Variants in KCNAB2 observed in about 807,000 individuals in gnomAD.
KCNAB2 encodes the protein potassium voltage-gated channel subfamily A regulatory beta subunit 2.
A neutral mutation model predicts 63.6 loss-of-function variants in KCNAB2; 29 were observed. The ratio of observed to expected loss-of-function variants is 0.46; its 90% CI spans 0.34 to 0.62. KCNAB2 has a LOEUF of 0.62. Among genes scored for constraint, KCNAB2 ranks in the 20% least tolerant of loss-of-function variants. The probability of loss-of-function intolerance (pLI) is 0.01; values close to 1 mark genes in which losing one functional copy is unlikely to be tolerated. For missense variants in KCNAB2, 359 were observed against 563.9 expected (o/e 0.64, Z 3.68); for synonymous variants, 222 against 224.2 (o/e 0.99, Z 0.09).
At chr1:6,036,720 A>T (rs547427369) in intron 1 of KCNAB2, among the ~76,000 whole-genome samples, 6 of 149,840 alleles carry the variant, frequency 4.0e-5, no homozygotes, top group Non-Finnish European at 7.4e-5. Context: ...TTGAGCACAG[A>T]TCGTGTCGCT....
rs531452156 is a variant in KCNAB2, at chr1:5,994,417, T to C, written c.-53+1629T>C. Among the ~76,000 whole-genome samples, 19 of 152,348 alleles carry C rather than the reference T, an allele frequency of 1.2e-4. No individual in the cohort carries two copies. The highest frequency in any genetic ancestry group is 3.8e-4 in the African/African-American group (16 of 41,574). On this transcript the variant is annotated intron_variant, in intron 1 of 16. Transcript: ENST00000341524. The surrounding 1 kb of genome is among the most constrained non-coding windows in gnomAD (Gnocchi z 5.4). The stretch of plus-strand genomic sequence containing the variant: ...AGAGTGCACTTGGTCCTCCAGGTCC[T>C]GTCATTGTCTCCACGGCCACACTCG...
At chr1:6,057,429 A>C (rs1661932493) in intron 2 of KCNAB2, among the ~76,000 whole-genome samples, 1 of 151,990 alleles carries the variant, frequency 6.6e-6, no homozygotes, top group Non-Finnish European at 1.5e-5. Flanking sequence ...GACAGGCGGG[A>C]AGGAGGGCAC....
Position 6,098,883 on chromosome 1 carries a change from A to T in KCNAB2, c.*309A>T. 3.6e-6 allele frequency: 1 copy of T among 276,456 alleles called. No homozygotes were observed. Among genetic ancestry groups the T allele is most frequent in the South Asian group, 5.4e-5 (1 of 18,412 alleles). 17.1% of individuals were successfully genotyped at this position (276,456 alleles called of 1,614,324 possible). On this transcript the variant is annotated 3_prime_UTR_variant, in exon 16 of 16. Coordinates refer to ENST00000378083, the MANE Select transcript of KCNAB2 (RefSeq NM_001199862.2). ...CAGCTTTCTCCCAGCCACAGCCAAG[A>T]TTCCCAAAGTCAAGGCCCAAAGATT...
At chr1:6,095,676 C>T (rs371802598) in intron 13 of KCNAB2, 52 bp downstream of exon 13, 87 of 1,548,538 alleles carry the variant, frequency 5.6e-5, no homozygotes, top group East Asian at 1.8e-4. Context: ...GCATTTTGGA[C>T]GGGTGGGACC....
chr1:6,089,262 A>G (rs947030305), intron 8 of KCNAB2, among the ~76,000 whole-genome samples: 2 of 152,256 alleles, frequency 1.3e-5, no homozygotes, highest in Admixed American at 6.5e-5. Flanking sequence ...GGCTGAGCAC[A>G]GACCACAGAC....
At position 6,097,255 on chromosome 1, in the gene KCNAB2, T is replaced by C; in HGVS notation, c.1070-14T>C. On this transcript the variant is annotated splice_polypyrimidine_tract_variant and intron_variant, in intron 14 of 15. Transcript: ENST00000378083. ...GTGGGTGTTTCTCCCTCACCTTGGG[T>C]CTCGCCGCCACAGCCTGGTGCCTGA... 1 of 1,532,834 alleles carries C rather than the reference T, an allele frequency of 6.5e-7. No homozygotes were observed. The allele number at this position is 1,532,834 out of a possible 1,614,324, so 95.0% of individuals were successfully genotyped here.
chr1:6,057,599 C>G (rs1199496251), intron 2 of KCNAB2, among the ~76,000 whole-genome samples: 1 of 152,202 alleles, frequency 6.6e-6, no homozygotes, highest in Non-Finnish European at 1.5e-5. Flanking sequence ...GCTGCTGTAA[C>G]AAGCTGGGTG....
intron 2 of KCNAB2, among the ~76,000 whole-genome samples, chr1:6,067,181 A>G (rs1269434410): frequency 2.0e-5 from 3 of 152,206 alleles, no homozygotes; most frequent in Admixed American, 1.3e-4. Context: ...ACCATCCTCC[A>G]GGCATAAAGG....
chr1:6,097,523 C>A, intron 15 of KCNAB2, 166 bp downstream of exon 15: 1 of 1,200,724 alleles, frequency 8.3e-7, no homozygotes, highest in Non-Finnish European at 1.2e-6. Context: ...CCAGCAGGAA[C>A]AGACATGAAC....
In KCNAB2 at chr1:6,074,069, C is replaced by G. The variant is rs1229322136; in HGVS notation, c.300+299C>G. On this transcript the variant is annotated intron_variant, in intron 4 of 15. Coordinates refer to ENST00000378083, the MANE Select transcript of KCNAB2 (RefSeq NM_001199862.2). This position sits in a 1 kb window ranked among gnomAD's most constrained non-coding sequence, Gnocchi z 4.9. ...TTTCCCACACGCGTGACCCCCATTCCACAGTTAACGAGGAGAATTCAGGGT... is the reference window on the plus strand; with the variant it reads ...TTTCCCACACGCGTGACCCCCATTCGACAGTTAACGAGGAGAATTCAGGGT... Among the ~76,000 whole-genome samples the G allele has an allele frequency of 6.6e-6, 1 of 152,220 alleles. No individual in the cohort carries two copies. The highest frequency in any genetic ancestry group is 1.5e-5 in the Non-Finnish European group (1 of 68,040).
In KCNAB2 at chr1:6,096,915, C is replaced by G. The variant is rs1271667302; in HGVS notation, c.1069+159C>G. Among the ~76,000 whole-genome samples, 1 of 152,180 alleles carries G rather than the reference C, an allele frequency of 6.6e-6. No homozygotes were observed. The highest frequency in any genetic ancestry group is 1.5e-5 in the Non-Finnish European group (1 of 68,012). On this transcript the variant is annotated intron_variant, in intron 14 of 15. Coordinates refer to ENST00000378083, the MANE Select transcript of KCNAB2 (RefSeq NM_001199862.2). This position sits in a 1 kb window ranked among gnomAD's most constrained non-coding sequence, Gnocchi z 5.9. ...CCAGCCAGCCTCGGGTAATCGGGCT[C>G]TAAGGGGCATGGTTGGGACCCCATG...
intron 1 of KCNAB2, among the ~76,000 whole-genome samples, chr1:6,000,215 G>A (rs1190923014): frequency 6.6e-6 from 1 of 152,166 alleles, no homozygotes; most frequent in Non-Finnish European, 1.5e-5. Flanking sequence ...CCATGGAAAT[G>A]AGTAGCAGGT....
intron 1 of KCNAB2, among the ~76,000 whole-genome samples, chr1:6,015,034 T>TTG (rs1557932986): frequency 4.7e-5 from 6 of 128,452 alleles, no homozygotes; most frequent in Admixed American, 3.1e-4. Context: ...TTTTTTTTTT[T>TTG]TTTTTTTTGT....
At chr1:6,016,688 G>A (rs1050760157) in intron 1 of KCNAB2, among the ~76,000 whole-genome samples, 1 of 152,216 alleles carries the variant, frequency 6.6e-6, no homozygotes, top group Non-Finnish European at 1.5e-5. Flanking sequence ...GCAGGCAGTA[G>A]ACGGCAGCGG....
upstream of KCNAB2, among the ~76,000 whole-genome samples, chr1:6,029,338 A>G (rs1458918402): frequency 6.6e-6 from 1 of 152,026 alleles, no homozygotes; most frequent in Middle Eastern, 3.2e-3. Context: ...AAGACAGAGA[A>G]GCCTCCTGAC....
rs1553133965 is a variant in KCNAB2, at chr1:6,095,710, G to GGGCAGGGGTTCCGGGAGC, written c.948+87_948+104dup. The GGGCAGGGGTTCCGGGAGC allele has an allele frequency of 2.3e-6, 3 of 1,290,320 alleles. No individual in the cohort carries two copies. The African/African-American group carries it at 4.4e-5, about 19-fold the overall frequency. The allele number at this position is 1,290,320 out of a possible 1,614,324, so 79.9% of individuals were successfully genotyped here. On this transcript the variant is annotated intron_variant, in intron 13 of 15. Transcript: ENST00000378083. ...CCTTTGGGCCGACTGCTTTGGTGCT[G>GGGCAGGGGTTCCGGGAGC]GGCAGGGGTTCCGGGAGCTGCAGCT...
At chr1:5,996,465 C>T (rs1275024961) in intron 1 of KCNAB2, among the ~76,000 whole-genome samples, 1 of 152,222 alleles carries the variant, frequency 6.6e-6, no homozygotes, top group Non-Finnish European at 1.5e-5. Flanking sequence ...TGGCCAGCGT[C>T]TCAGGAGGCT....
At chr1:6,040,239 C>T (rs538614291) in intron 1 of KCNAB2, among the ~76,000 whole-genome samples, 10 of 152,310 alleles carry the variant, frequency 6.6e-5, no homozygotes, top group African/African-American at 2.4e-4. Context: ...GTGGAAGGAC[C>T]TCCACGACAT....
upstream of KCNAB2, chr1:6,045,798 G>A (rs897496197): frequency 1.7e-5 from 10 of 605,258 alleles, no homozygotes; most frequent in Admixed American, 1.3e-4. This position sits in a 1 kb window ranked among gnomAD's most constrained non-coding sequence, Gnocchi z 4.8. Context: ...TTTCTGGCAC[G>A]CGGGGATGGT....
Sources: gnomAD v4.1 joint callset for allele counts (sites outside exome capture counted in the v4.1 genomes callset) on GRCh38, gnomAD v4.1.1 for gene constraint, Gnocchi (gnomAD v3.1) non-coding constraint, MANE v1.5 for transcripts, NCBI Gene and HGNC (gene_info 2026-07-23, HGNC 2026-07-21) for gene names.